The following SEMA3A variants were observed in gnomAD, a reference collection of about 807,000 sequenced individuals.
The protein encoded by SEMA3A is semaphorin-3A.
SEMA3A carries 29 observed loss-of-function variants against 97.9 expected under a neutral mutation model. The ratio of observed to expected loss-of-function variants is 0.30; its 90% CI spans 0.22 to 0.40. SEMA3A has a LOEUF of 0.40. Among genes scored for constraint, SEMA3A ranks in the 10% least tolerant of loss-of-function variants. The pLI is 1.00. For missense variants in SEMA3A, 763 were observed against 951.3 expected (o/e 0.80, Z 2.60); for synonymous variants, 321 against 323.7 (o/e 0.99, Z 0.09).
At chr7:84,364,474 T>G (rs1165204667) in intron 2 of SEMA3A, among the ~76,000 whole-genome samples, 1 of 151,760 alleles carries the variant, frequency 6.6e-6, no homozygotes, top group African/African-American at 2.4e-5. Flanking sequence ...TATTTATTTA[T>G]TTTTTTAGAA....
chr7:84,030,175 T>C (rs1020890353), intron 6 of SEMA3A, among the ~76,000 whole-genome samples: 2 of 152,134 alleles, frequency 1.3e-5, no homozygotes, highest in African/African-American at 2.4e-5. Context: ...AGCTAAATAA[T>C]ATAGAACTTT....
rs147137343 is a variant in SEMA3A, at chr7:84,398,416, A to T, written c.-245-26516T>A. ...GTGTCTTAGAATAGTGTTTTTCCTG[A>T]TTCAGAGGTATTGCACACTTCAAAC... On this transcript the variant is annotated intron_variant, in intron 1 of 3. Coordinates refer to the SEMA3A transcript ENST00000424555. 1.1e-4 allele frequency among the ~76,000 whole-genome samples: 17 copies of T among 152,218 alleles called. No individual in the cohort carries two copies. The East Asian group carries it at 3.3e-3, about 29-fold the overall frequency.
At chr7:84,008,277 GT>G in intron 9 of SEMA3A, among the ~76,000 whole-genome samples, 1 of 152,256 alleles carries the variant, frequency 6.6e-6, no homozygotes. Flanking sequence ...GGATCACAAG[GT>G]CAAGAGATCG....
At chr7:84,101,290 A>C (rs561577644) in intron 4 of SEMA3A, among the ~76,000 whole-genome samples, 1 of 152,316 alleles carries the variant, frequency 6.6e-6, no homozygotes, top group Non-Finnish European at 1.5e-5. Flanking sequence ...GGGGTTCCAT[A>C]ACTTTGGATG....
At chr7:84,079,395 T>C (rs1276097106) in intron 4 of SEMA3A, among the ~76,000 whole-genome samples, 2 of 150,354 alleles carry the variant, frequency 1.3e-5, no homozygotes, top group African/African-American at 4.9e-5. Flanking sequence ...CAAAAGAAAC[T>C]ACCATCAGAG....
At chr7:84,490,851 G>A (rs554271546) in intron 1 of SEMA3A, among the ~76,000 whole-genome samples, 1 of 152,254 alleles carries the variant, frequency 6.6e-6, no homozygotes, top group African/African-American at 2.4e-5. Context: ...GCATTCATAT[G>A]TGTGAACTGT....
At chr7:84,072,014 C>T (rs1053761231) in intron 4 of SEMA3A, among the ~76,000 whole-genome samples, 1 of 151,504 alleles carries the variant, frequency 6.6e-6, no homozygotes, top group Non-Finnish European at 1.5e-5. Context: ...AGATGTTAGC[C>T]TACAAAATTC....
intron 3 of SEMA3A, among the ~76,000 whole-genome samples, chr7:84,206,428 T>G (rs1798495976): frequency 6.6e-6 from 1 of 151,426 alleles, no homozygotes. Flanking sequence ...GTTCATGGCA[T>G]TCTCCTGCCT....
intron 3 of SEMA3A, among the ~76,000 whole-genome samples, chr7:84,224,751 T>C (rs968283652): frequency 3.3e-5 from 5 of 152,060 alleles, no homozygotes; most frequent in Non-Finnish European, 7.4e-5. Flanking sequence ...TGTGATTTCA[T>C]GCTTTTTCAT....
In SEMA3A at chr7:84,056,774, A is replaced by G. The variant is rs928408491; in HGVS notation, c.547+3691T>C. Reference sequence around the variant, plus strand: ...TGTTCTTTTAAAATTAAAATTTTTCAACAGTTTATATGTCTACATGGTATA... The same window carrying G: ...TGTTCTTTTAAAATTAAAATTTTTCGACAGTTTATATGTCTACATGGTATA... On this transcript the variant is annotated intron_variant, in intron 5 of 16. Transcript: ENST00000265362. Among the ~76,000 whole-genome samples, 46 of 152,176 alleles carry G rather than the reference A, an allele frequency of 3.0e-4. 1 individual carries two copies. Among genetic ancestry groups the G allele is most frequent in the African/African-American group, 9.9e-4 (41 of 41,452 alleles).
chr7:84,143,290 AAAGTAT>A (rs1285208857), intron 1 of SEMA3A, among the ~76,000 whole-genome samples: 2 of 152,328 alleles, frequency 1.3e-5, no homozygotes, highest in African/African-American at 4.8e-5. Context: ...AAAAAGATGA[AAAGTAT>A]AAGAGGAAAA....
At chr7:84,199,642 A>G (rs1225201584), upstream of SEMA3A, among the ~76,000 whole-genome samples, 1 of 152,076 alleles carries the variant, frequency 6.6e-6, no homozygotes, top group Non-Finnish European at 1.5e-5. Flanking sequence ...AGCAAATGTC[A>G]TACTCAAACA....
At chr7:84,186,141 C>G (rs1196672112) in intron 1 of SEMA3A, among the ~76,000 whole-genome samples, 2 of 152,194 alleles carry the variant, frequency 1.3e-5, no homozygotes, top group Non-Finnish European at 2.9e-5. Context: ...AGTCACCACT[C>G]TTCTCTACTT....
At chr7:83,980,639 T>TATATATATACAC (rs376148779) in intron 14 of SEMA3A, among the ~76,000 whole-genome samples, 1 of 88,466 alleles carries the variant, frequency 1.1e-5, no homozygotes, top group South Asian at 3.7e-4. Flanking sequence ...TATATATATA[T>TATATATATACAC]ACACACACAC....
chr7:84,218,564 A>G (rs1798803100), intron 3 of SEMA3A, among the ~76,000 whole-genome samples: 1 of 152,146 alleles, frequency 6.6e-6, no homozygotes, highest in South Asian at 2.1e-4. Flanking sequence ...AAATCTGCTC[A>G]TTATTTTTTG....
intron 3 of SEMA3A, among the ~76,000 whole-genome samples, chr7:84,116,167 A>T (rs1369025921): frequency 6.6e-6 from 1 of 152,128 alleles, no homozygotes; most frequent in East Asian, 1.9e-4. Context: ...GGAGTCTTTA[A>T]TGTCCAAAGT....
chr7:84,005,476 G>C lies in SEMA3A; in HGVS notation c.1223C>G (p.Ala408Gly). ...DVITFARSHPAMYNPVFPMNN... is the reference protein window; with the variant it reads ...DVITFARSHPGMYNPVFPMNN... ...CATAGGAAACACTGGATTGTACATG[G>C]CTGGATGACTTCTTGCAAAGGTTAT... Residue 408 changes from alanine (A) to glycine (G), a missense_variant, in exon 11 of 17, where the codon GCC becomes GGC. This residue lies in a region of SEMA3A where 678 missense variants were observed against 881.3 expected (regional missense o/e 0.77). Transcript: ENST00000265362. 3.7e-6 allele frequency: 6 copies of C among 1,613,858 alleles called. No individual in the cohort carries two copies. Among genetic ancestry groups the C allele is most frequent in the Non-Finnish European group, 5.1e-6 (6 of 1,179,818 alleles).
chr7:84,488,876 G>T (rs1019422935), intron 1 of SEMA3A, among the ~76,000 whole-genome samples: 1 of 152,066 alleles, frequency 6.6e-6, no homozygotes, highest in Non-Finnish European at 1.5e-5. Flanking sequence ...AAGTAGTCCC[G>T]ATAAGATGGT....
chr7:83,971,760 C>G (rs1788923284), intron 15 of SEMA3A, among the ~76,000 whole-genome samples: 1 of 152,088 alleles, frequency 6.6e-6, no homozygotes, highest in East Asian at 1.9e-4. Flanking sequence ...TTGCCAAGTA[C>G]AAAAATACAA....
Sources: gnomAD v4.1 joint callset for allele counts (sites outside exome capture counted in the v4.1 genomes callset) on GRCh38, gnomAD v4.1.1 for gene constraint, gnomAD v4.1.1 regional missense constraint, MANE v1.5 for transcripts, NCBI Gene and HGNC (gene_info 2026-07-23, HGNC 2026-07-21) for gene names.